WDFY3: variants seen among roughly 807,000 people sequenced by gnomAD.
WDFY3 encodes the protein WD repeat and FYVE domain-containing protein 3.
In WDFY3, 66 loss-of-function variants were observed where a neutral mutation model predicts 409.6. That is an observed-to-expected ratio of 0.16 (90% CI 0.13 to 0.20). The LOEUF (loss-of-function observed/expected upper bound fraction) is 0.20. WDFY3 is among the 10% of genes least tolerant of loss of function. The probability of loss-of-function intolerance (pLI) is 1.00; values close to 1 mark genes in which losing one functional copy is unlikely to be tolerated. For synonymous variants in WDFY3, 1,521 were observed against 1,537.1 expected (o/e 0.99, Z 0.25); for missense variants, 3,031 against 4,298.1 (o/e 0.71, Z 8.24).
At chr4:84,824,977 A>G (rs17009302) in intron 10 of WDFY3, among the ~76,000 whole-genome samples, 4,764 of 152,226 alleles carry the variant, frequency 0.031, 224 homozygotes, top group African/African-American at 0.11. Flanking sequence ...AAGTTAGGTC[A>G]CTTATGATTA....
chr4:84,723,990 T>C (rs1735254842), intron 46 of WDFY3, among the ~76,000 whole-genome samples: 1 of 152,234 alleles, frequency 6.6e-6, no homozygotes, highest in Non-Finnish European at 1.5e-5. Flanking sequence ...AGAAAGACCA[T>C]TATTCCTTAC....
At chr4:84,808,480 C>T in intron 14 of WDFY3, 63 bp from the exon 15 acceptor site, 1 of 1,441,302 alleles carries the variant, frequency 6.9e-7, no homozygotes, top group Non-Finnish European at 9.7e-7. Context: ...ACCAGGTTGG[C>T]AGTTGGTTAG....
chr4:84,917,162 T>C (rs1250341003), intron 2 of WDFY3, among the ~76,000 whole-genome samples: 1 of 152,184 alleles, frequency 6.6e-6, no homozygotes, highest in Admixed American at 6.6e-5. Flanking sequence ...TTCACTCCTT[T>C]GTGGTAATAT....
chr4:84,789,923 G>A lies in WDFY3; in HGVS notation c.3488-16C>T, dbSNP rs746059454. On this transcript the variant is annotated splice_polypyrimidine_tract_variant and intron_variant, in intron 21 of 67. Coordinates refer to ENST00000295888, the MANE Select transcript of WDFY3 (RefSeq NM_014991.6). Reference sequence around the variant, plus strand: ...AAATCATCAACTGAAATAAAGGGGGGAAGACATAAAAACTTTTTCCAACAC... The same window carrying A: ...AAATCATCAACTGAAATAAAGGGGGAAAGACATAAAAACTTTTTCCAACAC... The A allele has an allele frequency of 2.5e-6, 4 of 1,612,642 alleles. No individual in the cohort carries two copies. Among genetic ancestry groups the A allele is most frequent in the African/African-American group, 2.7e-5 (2 of 74,764 alleles).
intron 3 of WDFY3, among the ~76,000 whole-genome samples, chr4:84,860,904 G>A (rs1008599907): frequency 1.3e-5 from 2 of 152,054 alleles, no homozygotes; most frequent in Non-Finnish European, 2.9e-5. Context: ...AATTAGTTTA[G>A]TCATATCAAG....
At chr4:84,840,769 T>C (rs1757232117) in intron 6 of WDFY3, among the ~76,000 whole-genome samples, 1 of 150,662 alleles carries the variant, frequency 6.6e-6, no homozygotes, top group East Asian at 2.0e-4. Context: ...TTAAAGAGAT[T>C]GGGGTCTCTC....
chr4:84,712,870 TAGA>T (rs975884561), intron 51 of WDFY3, among the ~76,000 whole-genome samples: 6 of 152,134 alleles, frequency 3.9e-5, no homozygotes, highest in African/African-American at 1.4e-4. Context: ...TAACACTGAA[TAGA>T]AGAAGCAGAA....
intron 62 of WDFY3, 24 bp downstream of exon 62, chr4:84,688,062 A>AT (rs777690383): frequency 4.4e-6 from 7 of 1,605,956 alleles, no homozygotes; most frequent in Non-Finnish European, 6.0e-6. Flanking sequence ...TTACCTAAAC[A>AT]TAAGTGGGCA....
chr4:84,938,753 T>C (rs1335769359), intron 1 of WDFY3, among the ~76,000 whole-genome samples: 1 of 152,182 alleles, frequency 6.6e-6, no homozygotes, highest in Non-Finnish European at 1.5e-5. Flanking sequence ...TGTCACCTCT[T>C]TACTTTTACA....
At position 84,776,937 on chromosome 4, in the gene WDFY3, C is replaced by T. The variant is rs1353920647; in HGVS notation, c.4518+1566G>A. 2.0e-5 allele frequency among the ~76,000 whole-genome samples: 3 copies of T among 152,022 alleles called. No individual in the cohort carries two copies. In the East Asian group the frequency reaches 5.8e-4, roughly 29 times the overall value. The stretch of plus-strand genomic sequence containing the variant: ...AAAGGGAAAAAGAAGTGATAGTTAT[C>T]CTAGTATGAATAGGAGAAGAATTGA... On this transcript the variant is annotated intron_variant, in intron 27 of 67. Coordinates refer to ENST00000295888, the MANE Select transcript of WDFY3 (RefSeq NM_014991.6).
At chr4:84,824,292 T>C (rs945528756) in intron 10 of WDFY3, among the ~76,000 whole-genome samples, 1 of 152,190 alleles carries the variant, frequency 6.6e-6, no homozygotes, top group Non-Finnish European at 1.5e-5. Context: ...TATTATTGTG[T>C]ATTGCTATAA....
chr4:84,959,132 G>T (rs1774604280), intron 1 of WDFY3, among the ~76,000 whole-genome samples: 1 of 152,224 alleles, frequency 6.6e-6, no homozygotes, highest in African/African-American at 2.4e-5. Context: ...GTGCCTAACA[G>T]ACAGCAGACA....
intron 1 of WDFY3, among the ~76,000 whole-genome samples, chr4:84,944,495 G>A (rs1354140327): frequency 6.6e-6 from 1 of 152,078 alleles, no homozygotes; most frequent in Non-Finnish European, 1.5e-5. Context: ...TCTTGCCACT[G>A]TACTCCAGCC....
chr4:84,710,600 T>G (rs761147110), intron 51 of WDFY3, among the ~76,000 whole-genome samples: 1 of 152,226 alleles, frequency 6.6e-6, no homozygotes. Flanking sequence ...GCAAATTGAA[T>G]GTACAAGATA....
Position 84,693,049 on chromosome 4 carries a change from T to G in WDFY3, c.8902-17A>C, listed in dbSNP as rs530245913. ...TTTAAATAACTGGTATGAAAGAAGATGACTCACTTTATAATGAAAGATAAC... is the reference window on the plus strand; with the variant it reads ...TTTAAATAACTGGTATGAAAGAAGAGGACTCACTTTATAATGAAAGATAAC... On this transcript the variant is annotated splice_polypyrimidine_tract_variant and intron_variant, in intron 58 of 67. Transcript: ENST00000295888. The G allele has an allele frequency of 6.2e-7, 1 of 1,606,720 alleles. No individual in the cohort carries two copies. Among genetic ancestry groups the G allele is most frequent in the Admixed American group, 1.7e-5 (1 of 57,744 alleles).
chr4:84,889,242 T>C (rs551503015), intron 3 of WDFY3, among the ~76,000 whole-genome samples: 1 of 152,328 alleles, frequency 6.6e-6, no homozygotes, highest in South Asian at 2.1e-4. Context: ...AGCTTATACA[T>C]GTATTCCTCA....
chr4:84,745,861 G>A (rs1739347565), intron 36 of WDFY3, among the ~76,000 whole-genome samples: 1 of 152,064 alleles, frequency 6.6e-6, no homozygotes, highest in African/African-American at 2.4e-5. Context: ...AAACTGAAGA[G>A]GATGTGAGGA....
chr4:84,757,182 C>G (rs764400305), intron 32 of WDFY3, 21 bp from the exon 33 acceptor site: 1 of 1,601,222 alleles, frequency 6.2e-7, no homozygotes, highest in Non-Finnish European at 8.6e-7. Context: ...AGGAATATAA[C>G]AGTAAGTGCA....
intron 1 of WDFY3, among the ~76,000 whole-genome samples, chr4:84,956,627 T>C (rs1774271676): frequency 6.6e-6 from 1 of 152,190 alleles, no homozygotes; most frequent in South Asian, 2.1e-4. Flanking sequence ...CCAAATACAA[T>C]ACTTTAAATC....
Sources: gnomAD v4.1 joint callset for allele counts (sites outside exome capture counted in the v4.1 genomes callset) on GRCh38, gnomAD v4.1.1 for gene constraint, MANE v1.5 for transcripts, NCBI Gene and HGNC (gene_info 2026-07-23, HGNC 2026-07-21) for gene names.